Variants in TTC23L observed in about 807,000 individuals in gnomAD.
The protein encoded by TTC23L is tetratricopeptide repeat domain 23 like.
In TTC23L, 42 loss-of-function variants were observed where a neutral mutation model predicts 48.1. The ratio of observed to expected loss-of-function variants is 0.87; its 90% CI spans 0.68 to 1.13. The LOEUF (loss-of-function observed/expected upper bound fraction) is 1.13. Among genes scored for constraint, TTC23L ranks in the 50% most tolerant of loss-of-function variants. TTC23L has a pLI of 0.00. For missense variants in TTC23L, 391 were observed against 421.0 expected (o/e 0.93, Z 0.62); for synonymous variants, 159 against 157.2 (o/e 1.01, Z -0.09).
intron 2 of TTC23L, among the ~76,000 whole-genome samples, chr5:34,842,411 A>G (rs1439345560): frequency 3.3e-5 from 5 of 151,520 alleles, no homozygotes; most frequent in South Asian, 2.1e-4. Flanking sequence ...GGGGGCCCCT[A>G]TGTAACCTGC....
At chr5:34,907,012 GT>G in the TTC23L span, 2 of 151,988 alleles carry the variant, frequency 1.3e-5, no homozygotes, top group African/African-American at 4.8e-5. Flanking sequence ...TTCTTTTGTA[GT>G]CACTGCTAAA....
intron 4 of TTC23L, among the ~76,000 whole-genome samples, chr5:34,856,025 T>C (rs539489741): frequency 7.9e-5 from 12 of 152,048 alleles, no homozygotes; most frequent in African/African-American, 2.7e-4. Context: ...TAAGAAGGAG[T>C]AGGCAGGACA....
At chr5:34,913,439 CT>C in the TTC23L span, 1 of 1,336,760 alleles carries the variant, frequency 7.5e-7, no homozygotes, top group South Asian at 1.4e-5. Context: ...ATGTATAACA[CT>C]TTTATGTCTT....
chr5:34,911,304 A>T, the TTC23L span, among the ~76,000 whole-genome samples: 1 of 152,116 alleles, frequency 6.6e-6, no homozygotes, highest in African/African-American at 2.4e-5. Flanking sequence ...TGAAAACACC[A>T]CCAGTTTATA....
chr5:34,873,683 G>A (rs946017730), intron 8 of TTC23L, among the ~76,000 whole-genome samples: 48 of 152,178 alleles, frequency 3.2e-4, no homozygotes, highest in Non-Finnish European at 5.1e-4. Flanking sequence ...TTTTAATGGG[G>A]AGACCACAGA....
intron 8 of TTC23L, among the ~76,000 whole-genome samples, chr5:34,876,700 G>A (rs1761854012): frequency 6.6e-6 from 1 of 152,156 alleles, no homozygotes; most frequent in African/African-American, 2.4e-5. Context: ...GATAGAAGCA[G>A]AGTAGCCATT....
At chr5:34,909,242 T>A in the TTC23L span, 1 of 1,544,860 alleles carries the variant, frequency 6.5e-7, no homozygotes, top group Non-Finnish European at 8.9e-7. Flanking sequence ...TGACAACCTC[T>A]ATATTAAGAA....
At chr5:34,909,056 A>G in the TTC23L span, 1 of 1,122,778 alleles carries the variant, frequency 8.9e-7, no homozygotes, top group Non-Finnish European at 1.3e-6. Flanking sequence ...TCAAGTACTT[A>G]TCCAATTTGC....
Position 34,843,801 on chromosome 5 carries a change from C to T in TTC23L, c.69-1686C>T, listed in dbSNP as rs186771010. Reference sequence around the variant, plus strand: ...TCAAACATTCTAAAGACTGCACATTCTTTTCTCATTCATTTATTCATCATT... The same window carrying T: ...TCAAACATTCTAAAGACTGCACATTTTTTTCTCATTCATTTATTCATCATT... On this transcript the variant is annotated intron_variant, in intron 2 of 10. Coordinates refer to ENST00000505624, the Ensembl canonical transcript of TTC23L. Among the ~76,000 whole-genome samples, 459 of 152,270 alleles carry T rather than the reference C, an allele frequency of 3.0e-3. 2 individuals carry two copies. The highest frequency in any genetic ancestry group is 0.011 in the African/African-American group (444 of 41,568).
At chr5:34,924,246 G>A in the TTC23L span, among the ~76,000 whole-genome samples, 13 of 152,178 alleles carry the variant, frequency 8.5e-5, no homozygotes, top group African/African-American at 2.4e-4. Flanking sequence ...ATTTTAGACA[G>A]TATATGACAT....
chr5:34,879,200 G>A (rs1762055005), intron 8 of TTC23L, among the ~76,000 whole-genome samples: 1 of 152,120 alleles, frequency 6.6e-6, no homozygotes, highest in Admixed American at 6.6e-5. Context: ...GTGTGATGTG[G>A]GGTGGATGAT....
the TTC23L span, chr5:34,916,068 C>G: frequency 5.6e-6 from 4 of 717,362 alleles, no homozygotes; most frequent in Non-Finnish European, 6.3e-6. Context: ...GCAGCTAATC[C>G]TTGTGCACGT....
At chr5:34,918,434 T>TA in the TTC23L span, 2 of 1,610,880 alleles carry the variant, frequency 1.2e-6, no homozygotes, top group Non-Finnish European at 1.7e-6. Flanking sequence ...ACAAGACATT[T>TA]AATGCAGGAC....
At chr5:34,900,618 C>T (rs532281895), downstream of TTC23L, among the ~76,000 whole-genome samples, 70 of 152,342 alleles carry the variant, frequency 4.6e-4, no homozygotes, top group Non-Finnish European at 8.7e-4. Context: ...GGGGCATCCA[C>T]AGCCACAGAC....
chr5:34,850,367 C>G, intron 4 of TTC23L, 59 bp downstream of exon 4: 1 of 1,607,204 alleles, frequency 6.2e-7, no homozygotes, highest in South Asian at 1.1e-5. Context: ...AACTGACCCA[C>G]ACAACCTCAG....
At chr5:34,921,595 C>T in the TTC23L span, 3 of 152,006 alleles carry the variant, frequency 2.0e-5, no homozygotes, top group East Asian at 5.8e-4. Flanking sequence ...TGTAGTTTGT[C>T]AATGGGACTA....
At chr5:34,843,208 C>G (rs1758839296) in intron 2 of TTC23L, among the ~76,000 whole-genome samples, 2 of 152,164 alleles carry the variant, frequency 1.3e-5, no homozygotes, top group Admixed American at 1.3e-4. Context: ...AGTAAAATAT[C>G]TGGGAAATAA....
chr5:34,869,239 C>G (rs778510494), intron 8 of TTC23L: 10 of 447,104 alleles, frequency 2.2e-5, no homozygotes, highest in Non-Finnish European at 4.2e-5. Flanking sequence ...TCTACATCCT[C>G]TATTTATTTT....
At chr5:34,878,680 A>C (rs1026746631) in intron 8 of TTC23L, among the ~76,000 whole-genome samples, 3 of 152,188 alleles carry the variant, frequency 2.0e-5, no homozygotes, top group African/African-American at 7.2e-5. Context: ...TGAAAAAGAC[A>C]AAAAAACAAA....
Sources: allele counts gnomAD v4.1 joint callset (sites outside exome capture counted in the v4.1 genomes callset), GRCh38; gene constraint gnomAD v4.1.1; transcripts MANE v1.5; gene names NCBI Gene and HGNC (gene_info 2026-07-23, HGNC 2026-07-21).